The following LINGO2 variants were observed in gnomAD, a reference collection of about 807,000 sequenced individuals.
LINGO2 encodes leucine-rich repeat and immunoglobulin-like domain-containing nogo receptor-interacting protein 2.
Under a neutral mutation model 30.6 loss-of-function variants are expected in LINGO2, and 14 were observed. The ratio of observed to expected loss-of-function variants is 0.46; its 90% confidence interval spans 0.30 to 0.72. LINGO2 has a LOEUF of 0.72. Among genes scored for constraint, LINGO2 ranks in the 30% least tolerant of loss-of-function variants. The probability of loss-of-function intolerance (pLI) is 0.07; values close to 1 mark genes in which losing one functional copy is unlikely to be tolerated. For missense variants in LINGO2, 729 were observed against 751.7 expected (o/e 0.97, Z 0.35); for synonymous variants, 317 against 288.5 (o/e 1.10, Z -1.00).
At chr9:28,035,314 G>T (rs1049212423) in intron 4 of LINGO2, among the ~76,000 whole-genome samples, 1 of 152,180 alleles carries the variant, frequency 6.6e-6, no homozygotes, top group African/African-American at 2.4e-5. Context: ...TATTTTAGAT[G>T]ACATTACTTT....
At chr9:29,110,057 G>A in the LINGO2 span, among the ~76,000 whole-genome samples, 1 of 152,156 alleles carries the variant, frequency 6.6e-6, no homozygotes, top group Non-Finnish European at 1.5e-5. Flanking sequence ...AAATTCAGCC[G>A]TGATAAAACA....
the LINGO2 span, among the ~76,000 whole-genome samples, chr9:28,830,574 T>C: frequency 5.9e-5 from 9 of 152,110 alleles, no homozygotes; most frequent in African/African-American, 2.2e-4. Context: ...GAAACTAATA[T>C]GATAGTCCAG....
intron 4 of LINGO2, among the ~76,000 whole-genome samples, chr9:28,053,687 G>T (rs1378610599): frequency 6.6e-6 from 1 of 152,042 alleles, no homozygotes; most frequent in African/African-American, 2.4e-5. Flanking sequence ...TGATGTCGAG[G>T]CCTCATCATG....
At chr9:28,808,526 T>C in the LINGO2 span, among the ~76,000 whole-genome samples, 2 of 152,220 alleles carry the variant, frequency 1.3e-5, no homozygotes, top group African/African-American at 2.4e-5. Context: ...GCTTTATCCA[T>C]AGACACAGTC....
At chr9:28,149,030 G>T (rs1180785273) in intron 4 of LINGO2, 1 of 1,534,464 alleles carries the variant, frequency 6.5e-7, no homozygotes, top group South Asian at 1.2e-5. Flanking sequence ...TAGAGACGAG[G>T]GGCCCCCACC....
the LINGO2 span, among the ~76,000 whole-genome samples, chr9:28,849,939 G>A: frequency 1.3e-4 from 20 of 152,028 alleles, no homozygotes; most frequent in East Asian, 3.5e-3. Context: ...AGGGTGAGAC[G>A]TTGTATATTT....
chr9:28,475,107 C>T (rs1180073922), intron 2 of LINGO2, among the ~76,000 whole-genome samples: 1 of 151,956 alleles, frequency 6.6e-6, no homozygotes, highest in Non-Finnish European at 1.5e-5. Flanking sequence ...CTCTCAGAAC[C>T]TGAATTTATC....
At chr9:27,967,785 A>T (rs768183928) in intron 5 of LINGO2, among the ~76,000 whole-genome samples, 40 of 152,236 alleles carry the variant, frequency 2.6e-4, no homozygotes, top group Non-Finnish European at 3.2e-4. Flanking sequence ...TGTTAATGTA[A>T]TCCTTTTCCA....
At chr9:28,964,453 T>C in the LINGO2 span, among the ~76,000 whole-genome samples, 1 of 151,940 alleles carries the variant, frequency 6.6e-6, no homozygotes, top group Non-Finnish European at 1.5e-5. Flanking sequence ...CATCATGATA[T>C]ACATGGAAAC....
the LINGO2 span, among the ~76,000 whole-genome samples, chr9:28,958,628 ATAT>A: frequency 6.6e-6 from 1 of 152,060 alleles, no homozygotes; most frequent in Non-Finnish European, 1.5e-5. Flanking sequence ...CCCCCTTATC[ATAT>A]TATGCACCTA....
At chr9:28,055,725 A>T (rs529165768) in intron 4 of LINGO2, among the ~76,000 whole-genome samples, 14 of 152,270 alleles carry the variant, frequency 9.2e-5, no homozygotes, top group African/African-American at 3.4e-4. Context: ...TCTTTAAAAG[A>T]TATGTACTCA....
At chr9:28,454,645 C>A (rs745451784) in intron 2 of LINGO2, among the ~76,000 whole-genome samples, 1 of 151,676 alleles carries the variant, frequency 6.6e-6, no homozygotes, top group Non-Finnish European at 1.5e-5. Flanking sequence ...ATCATTGAAA[C>A]TGCAAGATAA....
intron 1 of LINGO2, among the ~76,000 whole-genome samples, chr9:28,607,604 T>C (rs904081542): frequency 6.6e-6 from 1 of 152,040 alleles, no homozygotes; most frequent in African/African-American, 2.4e-5. Flanking sequence ...TCTCTCATGC[T>C]ATAGATAAGA....
At chr9:28,620,681 G>T (rs997601188) in intron 1 of LINGO2, among the ~76,000 whole-genome samples, 20 of 151,920 alleles carry the variant, frequency 1.3e-4, no homozygotes, top group Non-Finnish European at 2.7e-4. Flanking sequence ...AAAAATATAA[G>T]AGGATGGGAC....
the LINGO2 span, among the ~76,000 whole-genome samples, chr9:29,159,826 C>T: frequency 2.3e-5 from 3 of 130,754 alleles, no homozygotes; most frequent in Admixed American, 2.4e-4. Context: ...GCACTCCAGC[C>T]TGGGCCAAAA....
At chr9:28,991,773 T>C in the LINGO2 span, among the ~76,000 whole-genome samples, 1 of 148,178 alleles carries the variant, frequency 6.7e-6, no homozygotes, top group African/African-American at 2.5e-5. Flanking sequence ...CTAAGCTTCA[T>C]AAGTGAAGGA....
Position 28,561,749 on chromosome 9 carries a change from G to GTGTGTATATATATATATATA in LINGO2, c.-364-85725_-364-85724insTATATATATATATATACACA, listed in dbSNP as rs772157537. 1.0e-4 allele frequency among the ~76,000 whole-genome samples: 5 copies of GTGTGTATATATATATATATA among 48,718 alleles called. 1 individual carries two copies. Among genetic ancestry groups the GTGTGTATATATATATATATA allele is most frequent in the Non-Finnish European group, 1.8e-4 (5 of 27,672 alleles). 32.0% of individuals were successfully genotyped at this position (48,718 alleles called of 152,430 possible). A position where few individuals can be genotyped will look rare whatever the true frequency, so the allele number is the denominator to read the frequency against. On this transcript the variant is annotated intron_variant, in intron 1 of 5. Coordinates refer to ENST00000379992, the Ensembl canonical transcript of LINGO2. ...TATATATAATTTTGTGTGTGTGTGT[G>GTGTGTATATATATATATATA]TATATATATATATATATATATATAT... is the stretch of plus-strand genomic sequence containing the variant.
intron 4 of LINGO2, among the ~76,000 whole-genome samples, chr9:28,192,954 A>T (rs889338441): frequency 3.3e-5 from 5 of 152,180 alleles, no homozygotes; most frequent in Non-Finnish European, 5.9e-5. Context: ...TTCTAAAGAC[A>T]TTAAGAGAAG....
intron 2 of LINGO2, among the ~76,000 whole-genome samples, chr9:28,405,449 C>T (rs944622095): frequency 1.3e-5 from 2 of 152,126 alleles, no homozygotes; most frequent in Admixed American, 6.5e-5. Flanking sequence ...CTTACTGTCA[C>T]ATCAAATTCA....
Sources: gnomAD v4.1 joint callset for allele counts (sites outside exome capture counted in the v4.1 genomes callset) on GRCh38, gnomAD v4.1.1 for gene constraint, MANE v1.5 for transcripts, NCBI Gene and HGNC (gene_info 2026-07-23, HGNC 2026-07-21) for gene names.